The following DCLK1 variants were observed in gnomAD, a reference collection of about 807,000 sequenced individuals.
DCLK1 encodes serine/threonine-protein kinase DCLK1.
Under a neutral mutation model 86.2 loss-of-function variants are expected in DCLK1, and 16 were observed. That is an observed-to-expected ratio of 0.19 (90% CI 0.13 to 0.28). DCLK1 has a LOEUF of 0.28. DCLK1 is among the 10% of genes least tolerant of loss of function. The pLI, the probability that DCLK1 is intolerant of heterozygous loss-of-function variation, is 1.00. For synonymous variants in DCLK1, 369 were observed against 370.5 expected (o/e 1.00, Z 0.05); for missense variants, 590 against 940.2 (o/e 0.63, Z 4.87).
chr13:35,808,611 C>A (rs1266297328), intron 13 of DCLK1, among the ~76,000 whole-genome samples: 2 of 152,118 alleles, frequency 1.3e-5, no homozygotes, highest in Non-Finnish European at 2.9e-5. Flanking sequence ...GGTGAAACCC[C>A]CATCTCTACT....
intron 2 of DCLK1, among the ~76,000 whole-genome samples, chr13:36,115,405 G>C (rs575316341): frequency 1.3e-5 from 2 of 152,266 alleles, no homozygotes; most frequent in African/African-American, 4.8e-5. Flanking sequence ...TGGAAGCTTT[G>C]CATTACTTCC....
chr13:36,048,812 T>C (rs756461442), intron 3 of DCLK1, among the ~76,000 whole-genome samples: 3 of 152,206 alleles, frequency 2.0e-5, no homozygotes, highest in Non-Finnish European at 2.9e-5. Context: ...GCCATTATTC[T>C]TGAGCATTGG....
At chr13:35,838,890 G>T (rs150301007) in intron 7 of DCLK1, among the ~76,000 whole-genome samples, 40 of 152,198 alleles carry the variant, frequency 2.6e-4, no homozygotes, top group Non-Finnish European at 4.9e-4. Context: ...TCTCCGAAAT[G>T]GGCCAACTTC....
intron 3 of DCLK1, among the ~76,000 whole-genome samples, chr13:36,097,360 T>C (rs1885053839): frequency 2.0e-5 from 3 of 152,216 alleles, no homozygotes; most frequent in South Asian, 2.1e-4. Flanking sequence ...GGGTGCTTTT[T>C]GTAGTACGAA....
At chr13:36,029,728 T>C (rs1033387629) in intron 3 of DCLK1, among the ~76,000 whole-genome samples, 10 of 152,208 alleles carry the variant, frequency 6.6e-5, no homozygotes, top group East Asian at 1.9e-4. Context: ...ATCTCCATTA[T>C]GTATTAGAAA....
intron 3 of DCLK1, among the ~76,000 whole-genome samples, chr13:35,979,815 G>T (rs938701293): frequency 6.6e-6 from 1 of 152,162 alleles, no homozygotes; most frequent in Non-Finnish European, 1.5e-5. Context: ...AGGCGGCCTG[G>T]TTCCTCTTCA....
intron 3 of DCLK1, among the ~76,000 whole-genome samples, chr13:36,082,961 G>T (rs867185493): frequency 2.4e-4 from 36 of 152,050 alleles, no homozygotes; most frequent in Non-Finnish European, 4.0e-4. Flanking sequence ...CAAAGTTATG[G>T]TTACAGGGAA....
intron 3 of DCLK1, among the ~76,000 whole-genome samples, chr13:36,109,468 T>C (rs887311161): frequency 1.3e-5 from 2 of 152,244 alleles, no homozygotes; most frequent in African/African-American, 2.4e-5. Flanking sequence ...GTCTTGTGCA[T>C]GTTTTTAACG....
chr13:35,977,983 C>A (rs1333558537), intron 3 of DCLK1, among the ~76,000 whole-genome samples: 1 of 152,060 alleles, frequency 6.6e-6, no homozygotes, highest in Admixed American at 6.5e-5. Flanking sequence ...CAAATGTCAG[C>A]TTTCTTTACA....
chr13:35,811,369 G>A (rs568067766), intron 11 of DCLK1, among the ~76,000 whole-genome samples: 2 of 152,064 alleles, frequency 1.3e-5, no homozygotes, highest in East Asian at 3.9e-4. Flanking sequence ...AAAGAACACA[G>A]TGCCGATGTA....
chr13:36,107,839 A>T (rs1285226511), intron 3 of DCLK1, among the ~76,000 whole-genome samples: 1 of 152,114 alleles, frequency 6.6e-6, no homozygotes, highest in African/African-American at 2.4e-5. Context: ...TTAAGCACTT[A>T]AAAAATAGTT....
At chr13:36,006,981 C>T (rs919180396) in intron 3 of DCLK1, among the ~76,000 whole-genome samples, 1 of 152,172 alleles carries the variant, frequency 6.6e-6, no homozygotes, top group Non-Finnish European at 1.5e-5. Flanking sequence ...TAACATAATG[C>T]TTTCAAGTTC....
chr13:35,910,270 C>G (rs1036175308), intron 4 of DCLK1, among the ~76,000 whole-genome samples: 1 of 152,126 alleles, frequency 6.6e-6, no homozygotes, highest in Non-Finnish European at 1.5e-5. Flanking sequence ...TACTCTGCAG[C>G]GATTGAGGAG....
intron 3 of DCLK1, among the ~76,000 whole-genome samples, chr13:36,037,536 T>A (rs1390129075): frequency 6.6e-6 from 1 of 152,130 alleles, no homozygotes; most frequent in Non-Finnish European, 1.5e-5. Flanking sequence ...CAGGCTGGAG[T>A]GCAGTGGTGC....
chr13:35,871,160 C>T lies in DCLK1; in HGVS notation c.940+64G>A, dbSNP rs564219118. The T allele has an allele frequency of 8.1e-6, 11 of 1,354,858 alleles. No homozygotes were observed. The African/African-American group carries it at 8.7e-5, about 11-fold the overall frequency. The allele number at this position is 1,354,858 out of a possible 1,614,324, so 83.9% of individuals were successfully genotyped here. On this transcript the variant is annotated intron_variant, in intron 5 of 16. Transcript: ENST00000360631. Reference sequence around the variant, plus strand: ...AAAACCTCACACTCTAGGCTTCACACACCCTCTGCTCATCCTGTGTCAGGA... The same window carrying T: ...AAAACCTCACACTCTAGGCTTCACATACCCTCTGCTCATCCTGTGTCAGGA...
intron 2 of DCLK1, among the ~76,000 whole-genome samples, chr13:36,124,700 G>A (rs1409478890): frequency 3.3e-5 from 5 of 152,162 alleles, no homozygotes; most frequent in Non-Finnish European, 5.9e-5. Flanking sequence ...TGAGTTACAC[G>A]GCCTGAGCAA....
intron 4 of DCLK1, among the ~76,000 whole-genome samples, chr13:35,888,619 G>A (rs940673668): frequency 6.6e-6 from 1 of 152,172 alleles, no homozygotes; most frequent in African/African-American, 2.4e-5. Context: ...TAGGCTTTTG[G>A]AGGGATTGTG....
rs377570185 is a variant in DCLK1 at position 36,049,376 on chromosome 13, T to C, written c.723+62493A>G. Among the ~76,000 whole-genome samples, 3 of 152,192 alleles carry C rather than the reference T, an allele frequency of 2.0e-5. No individual in the cohort carries two copies. The East Asian group carries it at 5.8e-4, about 29-fold the overall frequency. On this transcript the variant is annotated intron_variant, in intron 3 of 16. Transcript: ENST00000360631. Reference sequence around the variant, plus strand: ...CATATCTGAAAGCCTCTAACATGTCTCTTTCAGGAGACATTTAATGCACTG... The same window carrying C: ...CATATCTGAAAGCCTCTAACATGTCCCTTTCAGGAGACATTTAATGCACTG...
At chr13:35,951,298 G>GATGGATGGATGGATGAT (rs1374066906) in intron 3 of DCLK1, among the ~76,000 whole-genome samples, 1 of 151,472 alleles carries the variant, frequency 6.6e-6, no homozygotes, top group Non-Finnish European at 1.5e-5. Context: ...TGGATGGATG[G>GATGGATGGATGGATGAT]ATGGATGGAT....
Sources: gnomAD v4.1 joint callset for allele counts (sites outside exome capture counted in the v4.1 genomes callset) on GRCh38, gnomAD v4.1.1 for gene constraint, MANE v1.5 for transcripts, NCBI Gene and HGNC (gene_info 2026-07-23, HGNC 2026-07-21) for gene names.